Variants in RTTN observed in about 807,000 individuals in gnomAD.
The protein encoded by RTTN is rotatin.
A neutral mutation model predicts 269.2 loss-of-function variants in RTTN; 182 were observed. That is an observed-to-expected ratio of 0.68 (90% CI 0.60 to 0.76). RTTN has a LOEUF of 0.76. Among genes scored for constraint, RTTN ranks in the 30% least tolerant of loss-of-function variants. The probability of loss-of-function intolerance (pLI) is 0.00; values close to 1 mark genes in which losing one functional copy is unlikely to be tolerated. For synonymous variants in RTTN, 1,006 were observed against 963.5 expected (o/e 1.04, Z -0.82); for missense variants, 2,545 against 2,608.6 (o/e 0.98, Z 0.53).
At chr18:70,121,888 A>G (rs1197468116) in intron 25 of RTTN, among the ~76,000 whole-genome samples, 188 bp from the exon 26 acceptor site, 2 of 152,242 alleles carry the variant, frequency 1.3e-5, no homozygotes, top group Non-Finnish European at 2.9e-5. Flanking sequence ...ATGAGCTTAT[A>G]GTGGAAAAAA....
intron 30 of RTTN, among the ~76,000 whole-genome samples, chr18:70,089,798 T>C (rs1158444141): frequency 6.6e-6 from 1 of 152,234 alleles, no homozygotes; most frequent in South Asian, 2.1e-4. Context: ...AATTGGATAT[T>C]TAGCTGAGAA....
At chr18:70,028,074 T>C (rs2056903814) in intron 43 of RTTN, among the ~76,000 whole-genome samples, 1 of 152,364 alleles carries the variant, frequency 6.6e-6, no homozygotes, top group Non-Finnish European at 1.5e-5. Context: ...CTAGTATTTC[T>C]GCATTAAAGC....
In RTTN at chr18:70,188,029, G is replaced by C. The variant is rs906578144; in HGVS notation, c.1305+79C>G. On this transcript the variant is annotated intron_variant, in intron 10 of 48. Coordinates refer to ENST00000640769, the MANE Select transcript of RTTN (RefSeq NM_173630.4). The stretch of plus-strand genomic sequence containing the variant: ...GAAAAAAGATTTTGAACACGAATGA[G>C]ACAATGAAACCGGCTTAAAAGAACC... 5.2e-6 allele frequency: 4 copies of C among 771,772 alleles called. No individual in the cohort carries two copies. The Admixed American group carries it at 8.8e-5, about 17-fold the overall frequency. The allele number at this position is 771,772 out of a possible 1,614,324, so 47.8% of individuals were successfully genotyped here. A position where few individuals can be genotyped will look rare whatever the true frequency, so the allele number is the denominator to read the frequency against.
At chr18:70,174,020 AGG>A (rs987697757) in intron 11 of RTTN, among the ~76,000 whole-genome samples, 2 of 152,136 alleles carry the variant, frequency 1.3e-5, no homozygotes, top group African/African-American at 4.8e-5. Context: ...GTAACAGAGA[AGG>A]GGTCTTTGGA....
In RTTN at chr18:70,006,488, A is replaced by G. The variant is rs1202874132; in HGVS notation, c.6422-4T>C. Reference sequence around the variant, plus strand: ...GCAAGCACAGTAATGACTTTTTCTAAAAATGAACATATATTTTTTAAAAGT... The same window carrying G: ...GCAAGCACAGTAATGACTTTTTCTAGAAATGAACATATATTTTTTAAAAGT... On this transcript the variant is annotated splice_region_variant and splice_polypyrimidine_tract_variant and intron_variant, in intron 46 of 48. Coordinates refer to ENST00000640769, the MANE Select transcript of RTTN (RefSeq NM_173630.4). The G allele has an allele frequency of 6.2e-7, 1 of 1,608,518 alleles. No homozygotes were observed.
intron 27 of RTTN, among the ~76,000 whole-genome samples, chr18:70,110,695 C>T (rs1056076096): frequency 6.6e-6 from 1 of 152,178 alleles, no homozygotes; most frequent in Admixed American, 6.5e-5. Flanking sequence ...GCGCCTGGAA[C>T]AGCAGCGAGA....
At chr18:70,111,768 G>A (rs1321918265) in intron 27 of RTTN, among the ~76,000 whole-genome samples, 1 of 152,150 alleles carries the variant, frequency 6.6e-6, no homozygotes, top group African/African-American at 2.4e-5. Flanking sequence ...AATCTAGCAA[G>A]ACAGGCCAAC....
At chr18:70,184,124 C>G (rs2061479874) in intron 10 of RTTN, among the ~76,000 whole-genome samples, 1 of 152,190 alleles carries the variant, frequency 6.6e-6, no homozygotes, top group African/African-American at 2.4e-5. Flanking sequence ...AGCATCCAAT[C>G]AGAAATTACT....
chr18:70,165,714 T>A (rs1216728091), intron 14 of RTTN, among the ~76,000 whole-genome samples: 1 of 151,836 alleles, frequency 6.6e-6, no homozygotes, highest in African/African-American at 2.4e-5. Flanking sequence ...AAAAACAGAA[T>A]TAAAACCATA....
At chr18:70,111,678 T>C (rs952404058) in intron 27 of RTTN, among the ~76,000 whole-genome samples, 4 of 152,298 alleles carry the variant, frequency 2.6e-5, no homozygotes, top group East Asian at 1.9e-4. Context: ...CTATGTTCGA[T>C]TGGTGTACCT....
At chr18:70,152,442 A>G (rs2060564014) in intron 14 of RTTN, among the ~76,000 whole-genome samples, 1 of 152,210 alleles carries the variant, frequency 6.6e-6, no homozygotes, top group Non-Finnish European at 1.5e-5. Context: ...ATATACTTAT[A>G]AAAGTACTTG....
intron 23 of RTTN, chr18:70,130,965 C>T (rs1332404833): frequency 6.6e-6 from 1 of 151,710 alleles, no homozygotes; most frequent in African/African-American, 2.4e-5. Context: ...AATAAGCAAG[C>T]AAGCAAAGTG....
chr18:70,042,694 T>C (rs1025045389), intron 40 of RTTN, among the ~76,000 whole-genome samples: 6 of 152,178 alleles, frequency 3.9e-5, no homozygotes, highest in African/African-American at 9.7e-5. Flanking sequence ...GAATTCTCTA[T>C]AGTAACATTT....
At chr18:70,176,944 A>G in intron 10 of RTTN, 99 bp from the exon 11 acceptor site, 2 of 829,180 alleles carry the variant, frequency 2.4e-6, no homozygotes, top group Non-Finnish European at 3.5e-6. Flanking sequence ...TATCATTTTC[A>G]TTAAATAGGA....
chr18:70,094,531 T>G (rs945340344), intron 28 of RTTN, among the ~76,000 whole-genome samples: 1 of 152,206 alleles, frequency 6.6e-6, no homozygotes, highest in Non-Finnish European at 1.5e-5. Flanking sequence ...CTGCCTTAAT[T>G]GTGTTATTTA....
intron 44 of RTTN, 144 bp from the exon 45 acceptor site, chr18:70,020,961 G>A (rs1223825603): frequency 1.6e-6 from 1 of 628,014 alleles, no homozygotes; most frequent in South Asian, 2.1e-5. Flanking sequence ...GGCTAATGTT[G>A]GTGTCTACAG....
intron 8 of RTTN, among the ~76,000 whole-genome samples, chr18:70,192,463 T>C (rs1297096480): frequency 6.6e-6 from 1 of 152,038 alleles, no homozygotes; most frequent in Non-Finnish European, 1.5e-5. Context: ...GGAAGATCAC[T>C]TGAGCCCAGG....
At chr18:70,065,270 T>TTAA (rs74177203) in intron 35 of RTTN, among the ~76,000 whole-genome samples, 8 of 132,928 alleles carry the variant, frequency 6.0e-5, no homozygotes, top group Middle Eastern at 3.8e-3. Flanking sequence ...CTCTAGAATT[T>TTAA]AAAAAAAAAA....
At chr18:70,056,404 T>A (rs776335831) in intron 37 of RTTN, among the ~76,000 whole-genome samples, 2 of 152,198 alleles carry the variant, frequency 1.3e-5, no homozygotes, top group Non-Finnish European at 2.9e-5. Context: ...AAAATGACAT[T>A]AATGATAACT....
Sources: gnomAD v4.1 joint callset for allele counts (sites outside exome capture counted in the v4.1 genomes callset) on GRCh38, gnomAD v4.1.1 for gene constraint, MANE v1.5 for transcripts, NCBI Gene and HGNC (gene_info 2026-07-23, HGNC 2026-07-21) for gene names.